The following STRN4 variants were observed in gnomAD, a reference collection of about 807,000 sequenced individuals.
STRN4 encodes striatin 4.
STRN4 carries 27 observed loss-of-function variants against 77.9 expected under a neutral mutation model. That is an observed-to-expected ratio of 0.35 (90% confidence interval 0.26 to 0.48). The LOEUF (loss-of-function observed/expected upper bound fraction) is 0.48, where lower values mean the gene tolerates loss of function less well. STRN4 is among the 20% of genes least tolerant of loss of function. The probability of loss-of-function intolerance (pLI) is 0.99; values close to 1 mark genes in which losing one functional copy is unlikely to be tolerated. For missense variants in STRN4, 798 were observed against 1,049.7 expected (o/e 0.76, Z 3.31); for synonymous variants, 466 against 443.1 (o/e 1.05, Z -0.65).
chr19:46,723,417 GC>G lies in STRN4; in HGVS notation c.1595-134del. 8.5e-7 allele frequency: 1 copy of G among 1,179,070 alleles called. No homozygotes were observed. Among genetic ancestry groups the G allele is most frequent in the Non-Finnish European group, 1.2e-6 (1 of 862,072 alleles). The allele number at this position is 1,179,070 out of a possible 1,614,324, so 73.0% of individuals were successfully genotyped here. ...CCCACGCACCCACTTCACACCTGGT[GC>G]CCCTCGGAACTGTCCACTGCCAGGA... On this transcript the variant is annotated intron_variant, in intron 12 of 17. Transcript: ENST00000263280. This position sits in a 1 kb window ranked among gnomAD's most constrained non-coding sequence, Gnocchi z 5.5.
chr19:46,744,877 T>C (rs1306794049), intron 1 of STRN4, among the ~76,000 whole-genome samples: 1 of 152,034 alleles, frequency 6.6e-6, no homozygotes, highest in Admixed American at 6.5e-5. Flanking sequence ...GACATCTCCA[T>C]GGTCCTCCAG....
chr19:46,722,125 G>A, intron 15 of STRN4, 53 bp from the exon 16 acceptor site: 1 of 1,607,826 alleles, frequency 6.2e-7, no homozygotes, highest in Non-Finnish European at 8.5e-7. Context: ...GGCCTCGCCT[G>A]AGAGAGTGAA....
chr19:46,744,700 C>G (rs1319029778), intron 1 of STRN4, among the ~76,000 whole-genome samples: 2 of 151,962 alleles, frequency 1.3e-5, no homozygotes, highest in African/African-American at 4.8e-5. Flanking sequence ...CGACACAATT[C>G]TCATCAGCTA....
intron 6 of STRN4, 121 bp from the exon 7 acceptor site, chr19:46,728,898 A>G (rs1487907082): frequency 7.0e-7 from 1 of 1,420,812 alleles, no homozygotes; most frequent in Non-Finnish European, 9.4e-7. Flanking sequence ...GGGCTGCCTC[A>G]GCCGCCAGCC....
chr19:46,728,232 T>C, intron 7 of STRN4: 1 of 648,302 alleles, frequency 1.5e-6, no homozygotes, highest in Non-Finnish European at 2.8e-6. Context: ...CAGCCACCCA[T>C]CCCACGTATC....
chr19:46,725,213 A>G, intron 11 of STRN4, 119 bp downstream of exon 11: 2 of 1,371,818 alleles, frequency 1.5e-6, no homozygotes, highest in Non-Finnish European at 2.0e-6. Context: ...GGGGGCGGGG[A>G]CTCAGAGCCC....
At chr19:46,725,171 G>T (rs948856975) in intron 11 of STRN4, among the ~76,000 whole-genome samples, 161 bp downstream of exon 11, 2 of 152,020 alleles carry the variant, frequency 1.3e-5, no homozygotes, top group Admixed American at 6.6e-5. Context: ...TCAGCATGGA[G>T]CCCCAAGAAC....
chr19:46,735,033 C>T (rs907278836), intron 4 of STRN4, among the ~76,000 whole-genome samples: 13 of 151,372 alleles, frequency 8.6e-5, no homozygotes, highest in African/African-American at 1.2e-4. Context: ...GGGCTGGGCG[C>T]GGTGGCTCAC....
rs772154487 is a variant in STRN4, at chr19:46,723,965, G to A, written c.1595-681C>T. ...GGCCAGGTGCATGATCAAGGAGGCA[G>A]AGCCGGGCGCAGTGGCTCATGCCTG... is the stretch of plus-strand genomic sequence containing the variant. On this transcript the variant is annotated intron_variant, in intron 12 of 17. Coordinates refer to ENST00000263280, the MANE Select transcript of STRN4 (RefSeq NM_013403.3). The surrounding 1 kb of genome is among the most constrained non-coding windows in gnomAD (Gnocchi z 5.5). 2.6e-5 allele frequency among the ~76,000 whole-genome samples: 4 copies of A among 152,182 alleles called. No individual in the cohort carries two copies. The highest frequency in any genetic ancestry group is 4.4e-5 in the Non-Finnish European group (3 of 68,026).
rs1219089114 is a variant in STRN4, at chr19:46,727,884, T to G, written c.1153+10A>C. ...CGCAGGACTGGGACCAGGTGGGGGG[T>G]GCCTCTTACCTTCATGTGGCCGGGG... On this transcript the variant is annotated intron_variant, in intron 8 of 17. Transcript: ENST00000263280. 10 of 1,585,078 alleles carry G rather than the reference T, an allele frequency of 6.3e-6. No individual in the cohort carries two copies. Among genetic ancestry groups the G allele is most frequent in the Non-Finnish European group, 6.9e-6 (8 of 1,162,788 alleles).
chr19:46,728,325 T>C (rs1398340392), intron 7 of STRN4: 4 of 584,702 alleles, frequency 6.8e-6, no homozygotes, highest in Non-Finnish European at 1.2e-5. Flanking sequence ...TGGGTCCTCA[T>C]CCTGTTCCCT....
At position 46,741,786 on chromosome 19, in the gene STRN4, T is replaced by A. The variant is rs540940692; in HGVS notation, c.283-2898A>T. 6.6e-6 allele frequency among the ~76,000 whole-genome samples: 1 copy of A among 152,340 alleles called. No homozygotes were observed. Among genetic ancestry groups the A allele is most frequent in the South Asian group, 2.1e-4 (1 of 4,826 alleles). On this transcript the variant is annotated intron_variant, in intron 1 of 17. Transcript: ENST00000263280. This position sits in a 1 kb window ranked among gnomAD's most constrained non-coding sequence, Gnocchi z 4.9. ...CAGTCCTCCCAGGAGCTGATGCCTC[T>A]CTGAATTCGCTGCTTCCTGTCCCAG...
chr19:46,744,707 G>A (rs570479201), intron 1 of STRN4, among the ~76,000 whole-genome samples: 1 of 152,046 alleles, frequency 6.6e-6, no homozygotes, highest in East Asian at 1.9e-4. Context: ...ATTCTCATCA[G>A]CTATTTATTT....
intron 5 of STRN4, chr19:46,732,602 C>T (rs1396462335): frequency 6.0e-6 from 1 of 166,410 alleles, no homozygotes; most frequent in East Asian, 1.8e-4. Context: ...CATATTGGCC[C>T]TCGTGGTCTC....
chr19:46,726,741 G>A (rs2054125851), intron 9 of STRN4, among the ~76,000 whole-genome samples: 1 of 152,208 alleles, frequency 6.6e-6, no homozygotes, highest in South Asian at 2.1e-4. Flanking sequence ...CCCAAGATGG[G>A]CTCCCAGCTG....
Position 46,727,530 on chromosome 19 carries a change from G to T in STRN4, c.1170C>A (p.Asp390Glu). 1 of 1,613,992 alleles carries T rather than the reference G, an allele frequency of 6.2e-7. No individual in the cohort carries two copies. Among genetic ancestry groups the T allele is most frequent in the South Asian group, 1.1e-5 (1 of 91,078 alleles). ...PRPHEDVFIM[D>E]TIGGGEVSLG... ...GGCTCACCTCCCCGCCCCCGATAGT[G>T]TCCATGATGAAGACGTCTGAGGAGA... The change falls in exon 9 of 18, where the codon GAC (aspartate) becomes GAA (glutamate). Residue 390 changes from aspartate (D) to glutamate (E), a missense_variant. This residue lies in a region of STRN4 where 511 missense variants were observed against 575.9 expected (regional missense o/e 0.89). Coordinates refer to ENST00000263280, the MANE Select transcript of STRN4 (RefSeq NM_013403.3).
chr19:46,743,058 AAAAG>A (rs2054501983), intron 1 of STRN4, among the ~76,000 whole-genome samples: 1 of 152,236 alleles, frequency 6.6e-6, no homozygotes, highest in African/African-American at 2.4e-5. Context: ...GCAGCTATCA[AAAAG>A]AAAGAGTTCT....
chr19:46,726,230 A>C (rs781145490), intron 9 of STRN4: 1 of 153,294 alleles, frequency 6.5e-6, no homozygotes, highest in Non-Finnish European at 1.5e-5. Context: ...GCCCCGGAGG[A>C]ATGCGCATTT....
rs2122319675 is a variant in STRN4, at chr19:46,733,336, A to G, written c.540-100T>C. ...GAGACAACCTCTTAAGGGGCCACTT[A>G]AGAGCATACACCAAAATCTGACATA... is the stretch of plus-strand genomic sequence containing the variant. On this transcript the variant is annotated intron_variant, in intron 4 of 17. Transcript: ENST00000263280. The surrounding 1 kb of genome is among the most constrained non-coding windows in gnomAD (Gnocchi z 4.3). 1 of 1,159,334 alleles carries G rather than the reference A, an allele frequency of 8.6e-7. No homozygotes were observed. The highest frequency in any genetic ancestry group is 1.2e-6 in the Non-Finnish European group (1 of 819,758). The allele number at this position is 1,159,334 out of a possible 1,614,324, so 71.8% of individuals were successfully genotyped here. A position where few individuals can be genotyped will look rare whatever the true frequency, so the allele number is the denominator to read the frequency against.
Sources: gnomAD v4.1 joint callset for allele counts (sites outside exome capture counted in the v4.1 genomes callset) on GRCh38, gnomAD v4.1.1 for gene constraint, gnomAD v4.1.1 regional missense constraint, Gnocchi (gnomAD v3.1) non-coding constraint, MANE v1.5 for transcripts, NCBI Gene and HGNC (gene_info 2026-07-23, HGNC 2026-07-21) for gene names.